The following MAP3K2 variants were observed in gnomAD, a reference collection of about 807,000 sequenced individuals.
MAP3K2 encodes mitogen-activated protein kinase kinase kinase 2.
A neutral mutation model predicts 80.3 loss-of-function variants in MAP3K2; 24 were observed. The ratio of observed to expected loss-of-function variants is 0.30; its 90% CI spans 0.22 to 0.42. The LOEUF is 0.42. MAP3K2 is among the 10% of genes least tolerant of loss of function. The probability of loss-of-function intolerance (pLI) is 1.00; values close to 1 mark genes in which losing one functional copy is unlikely to be tolerated. For missense variants in MAP3K2, 608 were observed against 750.1 expected, an observed-to-expected ratio of 0.81 and a Z score of 2.21; for synonymous variants, 244 against 253.7, an observed-to-expected ratio of 0.96 and a Z score of 0.36.
rs1297892085 is a variant in MAP3K2 at position 127,387,711 on chromosome 2, C to G, written c.-325G>C. 1 of 985,062 alleles carries G rather than the reference C, an allele frequency of 1.0e-6. No individual in the cohort carries two copies. Among genetic ancestry groups the G allele is most frequent in the Non-Finnish European group, 1.2e-6 (1 of 829,808 alleles). The allele number at this position is 985,062 out of a possible 1,614,324, so 61.0% of individuals were successfully genotyped here. A position where few individuals can be genotyped will look rare whatever the true frequency, so the allele number is the denominator to read the frequency against. On this transcript the variant is annotated 5_prime_UTR_variant, in exon 1 of 17. Coordinates refer to ENST00000682094, the MANE Select transcript of MAP3K2 (RefSeq NM_001371910.2). ...AGCCGGCCGGGTCCTCCTGGCGCTCCTCGGCACTTCTAGCCGCTGCAACCC... is the reference window on the plus strand; with the variant it reads ...AGCCGGCCGGGTCCTCCTGGCGCTCGTCGGCACTTCTAGCCGCTGCAACCC...
At chr2:127,382,031 A>G (rs774700406) in intron 1 of MAP3K2, among the ~76,000 whole-genome samples, 1 of 152,180 alleles carries the variant, frequency 6.6e-6, no homozygotes, top group Non-Finnish European at 1.5e-5. Context: ...AAGAGGTGAG[A>G]CTGCTGTAGA....
intron 4 of MAP3K2, among the ~76,000 whole-genome samples, chr2:127,337,525 C>A (rs1275069308): frequency 1.3e-5 from 2 of 152,124 alleles, no homozygotes; most frequent in Non-Finnish European, 1.5e-5. Context: ...CTGAAAATTG[C>A]AAAGACATTA....
chr2:127,346,965 C>G (rs769877793), intron 1 of MAP3K2, among the ~76,000 whole-genome samples: 1 of 151,488 alleles, frequency 6.6e-6, no homozygotes, highest in African/African-American at 2.4e-5. Flanking sequence ...TACTCTAGCC[C>G]GCGCGACAGA....
rs200568486 is a variant in MAP3K2, at chr2:127,370,006, GA to G, written c.-66+17445del. Among the ~76,000 whole-genome samples the G allele has an allele frequency of 9.7e-3, 1,464 of 150,598 alleles. 10 individuals carry two copies. Among genetic ancestry groups the G allele is most frequent in the South Asian group, 0.02 (96 of 4,776 alleles). On this transcript the variant is annotated intron_variant, in intron 1 of 16. Transcript: ENST00000682094. ...AGCCAGATTGTCTTATCTGGTGCCTGAAACTTTAGGTTAGGTAACAAGGGGA... is the reference window on the plus strand; with the variant it reads ...AGCCAGATTGTCTTATCTGGTGCCTGAACTTTAGGTTAGGTAACAAGGGGA...
intron 1 of MAP3K2, among the ~76,000 whole-genome samples, chr2:127,349,137 A>C (rs1686646236): frequency 6.6e-6 from 1 of 151,802 alleles, no homozygotes; most frequent in Non-Finnish European, 1.5e-5. Flanking sequence ...ATATAACATA[A>C]AACAAGAAAG....
At chr2:127,323,691 A>G (rs2104823592) in intron 11 of MAP3K2, among the ~76,000 whole-genome samples, 1 of 152,366 alleles carries the variant, frequency 6.6e-6, no homozygotes, top group Non-Finnish European at 1.5e-5. Flanking sequence ...TTGTCTCTTA[A>G]AACAAAAAAT....
intron 15 of MAP3K2, among the ~76,000 whole-genome samples, chr2:127,314,095 A>G (rs1685855753): frequency 6.6e-6 from 1 of 152,192 alleles, no homozygotes; most frequent in East Asian, 1.9e-4. Flanking sequence ...AATTGCACCT[A>G]TCCCCACCAC....
chr2:127,337,497 C>T lies in MAP3K2; in HGVS notation c.164+241G>A, dbSNP rs117160655. On this transcript the variant is annotated intron_variant, in intron 4 of 16. Transcript: ENST00000682094. ...GAAAATATGTAAAGGCTGTATTAAACAGTGATCTTATTTATCTCTGAAAAT... is the reference window on the plus strand; with the variant it reads ...GAAAATATGTAAAGGCTGTATTAAATAGTGATCTTATTTATCTCTGAAAAT... Among the ~76,000 whole-genome samples, 51 of 152,260 alleles carry T rather than the reference C, an allele frequency of 3.3e-4. No homozygotes were observed. In the East Asian group the frequency reaches 8.9e-3, roughly 26 times the overall value.
intron 14 of MAP3K2, among the ~76,000 whole-genome samples, chr2:127,316,588 T>G (rs1326016605): frequency 1.3e-5 from 2 of 152,216 alleles, no homozygotes. Flanking sequence ...AACAGGCTAT[T>G]CCTATGTGCC....
chr2:127,317,918 G>A (rs893864589), intron 13 of MAP3K2, among the ~76,000 whole-genome samples, 158 bp from the exon 14 acceptor site: 1 of 152,058 alleles, frequency 6.6e-6, no homozygotes, highest in Non-Finnish European at 1.5e-5. Context: ...AACAGTCCTT[G>A]ATGATATGCT....
chr2:127,350,066 G>A (rs986479626), intron 1 of MAP3K2, among the ~76,000 whole-genome samples: 1 of 152,008 alleles, frequency 6.6e-6, no homozygotes, highest in Non-Finnish European at 1.5e-5. Context: ...CCTGATGTCT[G>A]CAAGTACCAA....
At chr2:127,346,616 T>G (rs1304228434) in intron 1 of MAP3K2, among the ~76,000 whole-genome samples, 1 of 152,134 alleles carries the variant, frequency 6.6e-6, no homozygotes, top group African/African-American at 2.4e-5. Flanking sequence ...CATGCACATT[T>G]GGGATATATC....
At chr2:127,342,073 A>G (rs771573802) in intron 2 of MAP3K2, among the ~76,000 whole-genome samples, 1 of 152,210 alleles carries the variant, frequency 6.6e-6, no homozygotes, top group Non-Finnish European at 1.5e-5. Flanking sequence ...GCCCTACTAT[A>G]GAGCAGTATT....
chr2:127,378,859 T>C (rs1336599999), intron 1 of MAP3K2, among the ~76,000 whole-genome samples: 1 of 152,134 alleles, frequency 6.6e-6, no homozygotes, highest in African/African-American at 2.4e-5. Flanking sequence ...CTGGACCTCC[T>C]GGGCTCAAGC....
chr2:127,316,415 A>G (rs554984659), intron 14 of MAP3K2, among the ~76,000 whole-genome samples: 1 of 152,358 alleles, frequency 6.6e-6, no homozygotes, highest in African/African-American at 2.4e-5. Flanking sequence ...GTATTTTTAA[A>G]TAAGTAAACA....
At chr2:127,319,596 G>A (rs998516530) in intron 12 of MAP3K2, among the ~76,000 whole-genome samples, 1 of 142,782 alleles carries the variant, frequency 7.0e-6, no homozygotes, top group Admixed American at 7.2e-5. Flanking sequence ...CCTGAGGTCA[G>A]GAGTTCAAGA....
chr2:127,343,060 G>T, intron 2 of MAP3K2, 66 bp downstream of exon 2: 2 of 1,303,272 alleles, frequency 1.5e-6, no homozygotes, highest in Non-Finnish European at 2.1e-6. Flanking sequence ...ACATAATAGA[G>T]AAAGTTTTTT....
intron 1 of MAP3K2, among the ~76,000 whole-genome samples, chr2:127,370,644 C>A (rs977933488): frequency 2.0e-5 from 3 of 152,182 alleles, no homozygotes; most frequent in African/African-American, 7.2e-5. Flanking sequence ...ATCCCATAAC[C>A]CATGGTTCCT....
At chr2:127,372,502 GAAAC>G (rs954207388) in intron 1 of MAP3K2, among the ~76,000 whole-genome samples, 6 of 152,154 alleles carry the variant, frequency 3.9e-5, no homozygotes, top group Admixed American at 1.3e-4. Flanking sequence ...GGGTCACTCA[GAAAC>G]AAAAAATTGT....
Sources: gnomAD v4.1 joint callset for allele counts (sites outside exome capture counted in the v4.1 genomes callset) on GRCh38, gnomAD v4.1.1 for gene constraint, MANE v1.5 for transcripts, NCBI Gene and HGNC (gene_info 2026-07-23, HGNC 2026-07-21) for gene names.